TREX1: variants seen among roughly 807,000 people sequenced by gnomAD.
TREX1 encodes the protein three prime repair exonuclease 1, also known as three-prime repair exonuclease 1.
A neutral mutation model predicts 13.7 loss-of-function variants in TREX1; 11 were observed. That is an observed-to-expected ratio of 0.80 (90% confidence interval 0.51 to 1.33). The LOEUF is 1.33. Ranked by LOEUF, TREX1 falls within the 40% of genes most tolerant of loss-of-function variation. The pLI, the probability that TREX1 is intolerant of heterozygous loss-of-function variation, is 0.00. For synonymous variants in TREX1, 178 were observed against 178.8 expected, an observed-to-expected ratio of 1.00 and a Z score of 0.03; for missense variants, 409 against 404.4, an observed-to-expected ratio of 1.01 and a Z score of -0.10.
chr3:48,467,469 G>T lies in TREX1; in HGVS notation c.814G>T (p.Asp272Tyr). The T allele has an allele frequency of 6.2e-7, 1 of 1,614,170 alleles. No homozygotes were observed. Among genetic ancestry groups the T allele is most frequent in the Non-Finnish European group, 8.5e-7 (1 of 1,180,032 alleles). Residue 272 changes from aspartate (D) to tyrosine (Y), a missense_variant, in exon 2 of 2, where the codon GAT becomes TAT. By Grantham distance (160) the Asp-to-Tyr change is radical. Coordinates refer to ENST00000625293, the MANE Select transcript of TREX1 (RefSeq NM_033629.6). ...PSLGESRGTK[D>Y]LPPVKDPGAL... is the part of the protein sequence containing the mutation. Reference sequence around the variant, plus strand: ...CCTTGGAGAGAGCAGGGGTACCAAGGATCTTCCTCCAGTGAAGGACCCTGG... The same window carrying T: ...CCTTGGAGAGAGCAGGGGTACCAAGTATCTTCCTCCAGTGAAGGACCCTGG...
In TREX1 at chr3:48,466,733, C is replaced by T. The variant is rs770565869; in HGVS notation, c.78C>T (p.Phe26=). The T allele has an allele frequency of 6.2e-7, 1 of 1,614,062 alleles. No homozygotes were observed. The highest frequency in any genetic ancestry group is 2.2e-5 in the East Asian group (1 of 44,870). ...ACATGGAGGCCACTGGCTTGCCCTTCTCCCAGCCCAAGGTCACGGAGCTGT... is the reference window on the plus strand; with the variant it reads ...ACATGGAGGCCACTGGCTTGCCCTTTTCCCAGCCCAAGGTCACGGAGCTGT... ...FFDMEATGLP[F]SQPKVTELCL... The change falls in exon 2 of 2, where the codon TTC becomes TTT. Residue 26 remains phenylalanine, a synonymous_variant. Coordinates refer to ENST00000625293, the MANE Select transcript of TREX1 (RefSeq NM_033629.6).
chr3:48,467,105 C>G lies in TREX1; in HGVS notation c.450C>G (p.Ala150=), dbSNP rs2040352040. 1.2e-6 allele frequency: 2 copies of G among 1,613,990 alleles called. No homozygotes were observed. The stretch of plus-strand genomic sequence containing the variant: ...GCCTCACCAGTGCTCTGGATGGTGC[C>G]TTCTGTGTGGATAGCATCACTGCGC... The part of the protein sequence containing the change: ...MLGLTSALDG[A]FCVDSITALK... The change falls in exon 2 of 2, where the codon GCC becomes GCG. Residue 150 remains alanine (A), a synonymous_variant. Coordinates refer to ENST00000625293, the MANE Select transcript of TREX1 (RefSeq NM_033629.6).
rs1277686771 is a variant in TREX1 at position 48,467,176 on chromosome 3, G to A, written c.521G>A (p.Arg174Lys). 2 of 1,613,696 alleles carry A rather than the reference G, an allele frequency of 1.2e-6. No homozygotes were observed. The highest frequency in any genetic ancestry group is 2.7e-5 in the African/African-American group (2 of 74,832). The change falls in exon 2 of 2, where the codon AGG becomes AAG. Residue 174 changes from arginine (R) to lysine (K), a missense_variant. Physicochemically the swap from Arg to Lys is conservative, Grantham distance 26. Transcript: ENST00000625293. ...AGCAGCCCCTCAGAACACGGCCCAA[G>A]GAAGAGCTATAGCCTAGGCAGCATC... ...RASSPSEHGP[R>K]KSYSLGSIYT...
Position 48,466,744 on chromosome 3 carries a change from A to G in TREX1, c.89A>G (p.Lys30Arg), listed in dbSNP as rs1340882700. 2 of 1,613,944 alleles carry G rather than the reference A, an allele frequency of 1.2e-6. No individual in the cohort carries two copies. Among genetic ancestry groups the G allele is most frequent in the South Asian group, 1.1e-5 (1 of 91,090 alleles). The change falls in exon 2 of 2, where the codon AAG becomes AGG. Residue 30 changes from lysine (K) to arginine (R), a missense_variant. Transcript: ENST00000625293. ...ACTGGCTTGCCCTTCTCCCAGCCCA[A>G]GGTCACGGAGCTGTGCCTGCTGGCT... ...EATGLPFSQP[K>R]VTELCLLAVH...
At chr3:48,466,214 G>T, upstream of TREX1, 1 of 570,150 alleles carries the variant, frequency 1.8e-6, no homozygotes, top group East Asian at 3.0e-5. Flanking sequence ...CTGTAGGCGG[G>T]CCCACGCCAA....
At chr3:48,466,386 T>G in intron 1 of TREX1, 77 bp downstream of exon 1, 1 of 1,515,136 alleles carries the variant, frequency 6.6e-7, no homozygotes, top group East Asian at 2.3e-5. Context: ...AAGGGGGCAC[T>G]AGGGGAGGGG....
At position 48,467,179 on chromosome 3, in the gene TREX1, A is replaced by C. The variant is rs772864944; in HGVS notation, c.524A>C (p.Lys175Thr). Residue 175 changes from lysine (K) to threonine (T), a missense_variant, in exon 2 of 2, where the codon AAG becomes ACG. Coordinates refer to ENST00000625293, the MANE Select transcript of TREX1 (RefSeq NM_033629.6). ...AGCCCCTCAGAACACGGCCCAAGGA[A>C]GAGCTATAGCCTAGGCAGCATCTAC... ...ASSPSEHGPR[K>T]SYSLGSIYTR... 1 of 1,614,008 alleles carries C rather than the reference A, an allele frequency of 6.2e-7. No individual in the cohort carries two copies. The highest frequency in any genetic ancestry group is 2.2e-5 in the East Asian group (1 of 44,882).
At chr3:48,466,184 C>G, upstream of TREX1, 2 of 522,674 alleles carry the variant, frequency 3.8e-6, no homozygotes. Flanking sequence ...ACGAGCAGGG[C>G]GGGCCTGGCT....
chr3:48,466,486 T>C (rs2040303677), intron 1 of TREX1, 144 bp from the exon 2 acceptor site: 6 of 1,613,864 alleles, frequency 3.7e-6, no homozygotes, highest in African/African-American at 2.7e-5. Flanking sequence ...ACTTCCTGCC[T>C]GAAAATGGGC....
chr3:48,466,039 A>C, upstream of TREX1: 1 of 321,696 alleles, frequency 3.1e-6, no homozygotes. Flanking sequence ...TGTCACTGGT[A>C]TGATGGCCCC....
In TREX1 at chr3:48,467,211, C is replaced by T. The variant is rs567688417; in HGVS notation, c.556C>T (p.Leu186=). 1 of 1,614,068 alleles carries T rather than the reference C, an allele frequency of 6.2e-7. No individual in the cohort carries two copies. Among genetic ancestry groups the T allele is most frequent in the South Asian group, 1.1e-5 (1 of 91,078 alleles). ...SYSLGSIYTR[L]YGQSPPDSHT... Reference sequence around the variant, plus strand: ...TAGCCTAGGCAGCATCTACACTCGCCTGTATGGGCAGTCCCCTCCAGACTC... The same window carrying T: ...TAGCCTAGGCAGCATCTACACTCGCTTGTATGGGCAGTCCCCTCCAGACTC... Residue 186 remains leucine (L), a synonymous_variant, in exon 2 of 2, where the codon CTG becomes TTG. Coordinates refer to ENST00000625293, the MANE Select transcript of TREX1 (RefSeq NM_033629.6).
chr3:48,466,775 C>T lies in TREX1; in HGVS notation c.120C>T (p.His40=), dbSNP rs758622317. 87 of 1,613,832 alleles carry T rather than the reference C, an allele frequency of 5.4e-5. 1 individual carries two copies. Among genetic ancestry groups the T allele is most frequent in the Admixed American group, 1.7e-5 (1 of 60,008 alleles). ...CGGAGCTGTGCCTGCTGGCTGTCCA[C>T]AGATGTGCCCTGGAGAGCCCCCCCA... ...KVTELCLLAV[H]RCALESPPTS... The change falls in exon 2 of 2, where the codon CAC becomes CAT. Residue 40 remains histidine, a synonymous_variant. Coordinates refer to ENST00000625293, the MANE Select transcript of TREX1 (RefSeq NM_033629.6).
rs1177028457 is a variant in TREX1, at chr3:48,467,152, G to C, written c.497G>C (p.Ser166Thr). ...GCGCTGAAGGCCCTGGAGCGAGCAA[G>C]CAGCCCCTCAGAACACGGCCCAAGG... Reference protein sequence around the residue: ...ITALKALERASSPSEHGPRKS... With the variant: ...ITALKALERATSPSEHGPRKS... Residue 166 changes from serine (S) to threonine (T), a missense_variant, in exon 2 of 2, where the codon AGC (serine) becomes ACC (threonine). Ser to Thr is a moderately conservative substitution (Grantham distance 58). Coordinates refer to ENST00000625293, the MANE Select transcript of TREX1 (RefSeq NM_033629.6). 1 of 1,614,024 alleles carries C rather than the reference G, an allele frequency of 6.2e-7. No homozygotes were observed.
rs768580583 is a variant in TREX1 at position 48,466,725 on chromosome 3, T to C, written c.70T>C (p.Leu24=). Residue 24 remains leucine, a synonymous_variant, in exon 2 of 2, where the codon TTG becomes CTG. Transcript: ENST00000625293. ...LIFFDMEATG[L]PFSQPKVTEL... ...CTTTTTCGACATGGAGGCCACTGGC[T>C]TGCCCTTCTCCCAGCCCAAGGTCAC... 7 of 1,614,070 alleles carry C rather than the reference T, an allele frequency of 4.3e-6. No individual in the cohort carries two copies. The highest frequency in any genetic ancestry group is 5.9e-6 in the Non-Finnish European group (7 of 1,180,012).
In TREX1 at chr3:48,467,304, C is replaced by T. The variant is rs201068640; in HGVS notation, c.649C>T (p.Arg217Trp). ...TCAGTGGAGACCACAGGCCCTGCTG[C>T]GGTGGGTGGATGCTCACGCCAGGCC... ...ICQWRPQALL[R>W]WVDAHARPFG... Residue 217 changes from arginine (R) to tryptophan (W), a missense_variant, in exon 2 of 2, where the codon CGG becomes TGG. Arg to Trp is a moderately radical substitution (Grantham distance 101, BLOSUM62 -3). Transcript: ENST00000625293. The T allele has an allele frequency of 2.1e-5, 34 of 1,614,150 alleles. No homozygotes were observed. The East Asian group carries it at 6.0e-4, about 29-fold the overall frequency.
In TREX1 at chr3:48,466,792, GC is replaced by G. The variant is rs748914604; in HGVS notation, c.144del (p.Thr49ProfsTer16). 4 of 1,613,752 alleles carry G rather than the reference GC, an allele frequency of 2.5e-6. No individual in the cohort carries two copies. The highest frequency in any genetic ancestry group is 1.3e-5 in the African/African-American group (1 of 74,972). On this transcript the variant is annotated frameshift_variant, in exon 2 of 2. Coordinates refer to ENST00000625293, the MANE Select transcript of TREX1 (RefSeq NM_033629.6). LOFTEE classifies it high-confidence loss of function. ...GCTGTCCACAGATGTGCCCTGGAGA[GC>G]CCCCCCACCTCTCAGGGGCCACCTC... ...LLAVHRCALE[S>X]PPTSQGPPPT... is the part of the protein sequence containing the mutation.
At chr3:48,466,433 C>T (rs574139084) in intron 1 of TREX1, 124 bp downstream of exon 1, 7 of 1,611,182 alleles carry the variant, frequency 4.3e-6, no homozygotes, top group Non-Finnish European at 5.1e-6. Context: ...CTCAGACAGT[C>T]GAATGTGCTG....
In TREX1 at chr3:48,466,582, G is replaced by T. The variant is rs367854994; in HGVS notation, c.-26-48G>T. The T allele has an allele frequency of 1.5e-5, 24 of 1,613,430 alleles. No homozygotes were observed. In the South Asian group the frequency reaches 2.6e-4, roughly 18 times the overall value. ...CCCCCTACCCCACTCCCTCCCCTTC[G>T]GATCTTAACACTGGGCACTCACACA... On this transcript the variant is annotated intron_variant, in intron 1 of 1. Coordinates refer to ENST00000625293, the MANE Select transcript of TREX1 (RefSeq NM_033629.6).
Position 48,467,086 on chromosome 3 carries a change from C to A in TREX1, c.431C>A (p.Thr144Asn). Residue 144 changes from threonine (T) to asparagine (N), a missense_variant, in exon 2 of 2, where the codon ACC becomes AAC. Coordinates refer to ENST00000625293, the MANE Select transcript of TREX1 (RefSeq NM_033629.6). ...GCAGAGCTGGCTATGCTGGGCCTCA[C>A]CAGTGCTCTGGATGGTGCCTTCTGT... Reference protein sequence around the residue: ...LQAELAMLGLTSALDGAFCVD... With the variant: ...LQAELAMLGLNSALDGAFCVD... 1 of 1,614,014 alleles carries A rather than the reference C, an allele frequency of 6.2e-7. No homozygotes were observed. Among genetic ancestry groups the A allele is most frequent in the Non-Finnish European group, 8.5e-7 (1 of 1,180,042 alleles).
Sources: gnomAD v4.1 joint callset for allele counts on GRCh38, gnomAD v4.1.1 for gene constraint, MANE v1.5 for transcripts, NCBI Gene and HGNC (gene_info 2026-07-23, HGNC 2026-07-21) for gene names.